The following ANKMY2 variants were observed in gnomAD, a reference collection of about 807,000 sequenced individuals.
The protein encoded by ANKMY2 is ankyrin repeat and MYND domain containing 2.
ANKMY2 carries 36 observed loss-of-function variants against 50.4 expected under a neutral mutation model. The observed-to-expected ratio is 0.71, with a 90% CI of 0.55 to 0.94. ANKMY2 has a LOEUF of 0.94. Ranked by LOEUF, ANKMY2 falls within the 40% of genes least tolerant of loss-of-function variation. ANKMY2 has a pLI of 0.00. For missense variants in ANKMY2, 565 were observed against 524.0 expected (o/e 1.08, Z -0.76); for synonymous variants, 187 against 178.8 (o/e 1.05, Z -0.36).
intron 1 of ANKMY2, among the ~76,000 whole-genome samples, chr7:16,644,392 G>A (rs577169369): frequency 6.6e-6 from 1 of 152,318 alleles, no homozygotes; most frequent in South Asian, 2.1e-4. Context: ...ATCAGCACCT[G>A]TTGAGTTCAA....
intron 1 of ANKMY2, 32 bp from the exon 2 acceptor site, chr7:16,636,487 T>C: frequency 5.3e-6 from 8 of 1,505,254 alleles, no homozygotes; most frequent in Non-Finnish European, 7.2e-6. Context: ...AAAGTAAGGT[T>C]ATTCGTCACT....
intron 2 of ANKMY2, among the ~76,000 whole-genome samples, chr7:16,634,292 A>G (rs988221947): frequency 3.3e-5 from 5 of 152,238 alleles, no homozygotes; most frequent in African/African-American, 7.2e-5. Context: ...AATTTGCAAG[A>G]CACTGTCGGT....
At chr7:16,635,046 C>T (rs1230920520) in intron 2 of ANKMY2, among the ~76,000 whole-genome samples, 1 of 151,994 alleles carries the variant, frequency 6.6e-6, no homozygotes, top group Non-Finnish European at 1.5e-5. Flanking sequence ...ATGTCCATAC[C>T]AACATTTGTA....
intron 5 of ANKMY2, among the ~76,000 whole-genome samples, chr7:16,613,233 C>A (rs966562259): frequency 2.0e-5 from 3 of 152,164 alleles, no homozygotes; most frequent in African/African-American, 7.2e-5. Flanking sequence ...AATCTAGACA[C>A]AAATACAGCT....
intron 7 of ANKMY2, among the ~76,000 whole-genome samples, chr7:16,605,330 G>A (rs1781136476): frequency 6.6e-6 from 1 of 152,138 alleles, no homozygotes; most frequent in Admixed American, 6.6e-5. Context: ...TTTACTTGAT[G>A]TTGGCTTGTA....
intron 7 of ANKMY2, among the ~76,000 whole-genome samples, chr7:16,605,327 G>T (rs1307206007): frequency 1.3e-5 from 2 of 152,092 alleles, no homozygotes; most frequent in African/African-American, 4.8e-5. Context: ...TCATTTACTT[G>T]ATGTTGGCTT....
chr7:16,602,263 T>C, intron 9 of ANKMY2, 117 bp downstream of exon 9: 2 of 1,211,024 alleles, frequency 1.7e-6, no homozygotes, highest in Non-Finnish European at 2.3e-6. Context: ...GATTCTTACA[T>C]CGGTCACTCC....
intron 2 of ANKMY2, among the ~76,000 whole-genome samples, chr7:16,627,508 A>AC (rs1430225884): frequency 6.6e-6 from 1 of 152,236 alleles, no homozygotes; most frequent in Non-Finnish European, 1.5e-5. Flanking sequence ...GAACAAACAG[A>AC]TACAAACATA....
intron 1 of ANKMY2, among the ~76,000 whole-genome samples, chr7:16,637,772 G>A (rs1781687583): frequency 6.6e-6 from 1 of 152,200 alleles, no homozygotes; most frequent in African/African-American, 2.4e-5. Flanking sequence ...TTCTCTTGAG[G>A]AAGATGCTTC....
rs191554135 is a variant in ANKMY2 at position 16,617,513 on chromosome 7, C to T, written c.371-1609G>A. 1.2e-4 allele frequency among the ~76,000 whole-genome samples: 18 copies of T among 152,230 alleles called. No homozygotes were observed. The East Asian group carries it at 3.1e-3, about 26-fold the overall frequency. On this transcript the variant is annotated intron_variant, in intron 4 of 9. Transcript: ENST00000306999. ...AGTGTGTGGGTAACATTTACCATAACAATAACTACCACAACTACAGCTAAT... is the reference window on the plus strand; with the variant it reads ...AGTGTGTGGGTAACATTTACCATAATAATAACTACCACAACTACAGCTAAT...
chr7:16,633,617 A>T (rs1468213982), intron 2 of ANKMY2, among the ~76,000 whole-genome samples: 1 of 152,278 alleles, frequency 6.6e-6, no homozygotes, highest in Non-Finnish European at 1.5e-5. Context: ...TTTCGAATGT[A>T]TTATACTACA....
intron 8 of ANKMY2, among the ~76,000 whole-genome samples, chr7:16,603,938 AGT>A (rs1781113805): frequency 6.6e-6 from 1 of 152,230 alleles, no homozygotes; most frequent in African/African-American, 2.4e-5. Flanking sequence ...ACTGAGTTTG[AGT>A]GTGTTTTTAT....
intron 4 of ANKMY2, among the ~76,000 whole-genome samples, chr7:16,617,557 T>G (rs1253340044): frequency 6.6e-6 from 1 of 152,184 alleles, no homozygotes; most frequent in Non-Finnish European, 1.5e-5. Context: ...TTAAGCAGAT[T>G]CAATTATAAT....
intron 4 of ANKMY2, among the ~76,000 whole-genome samples, chr7:16,617,652 T>C (rs558086687): frequency 5.3e-5 from 8 of 152,248 alleles, no homozygotes; most frequent in South Asian, 2.1e-4. Context: ...CTGGTTACTA[T>C]TGAGAACTAA....
intron 1 of ANKMY2, among the ~76,000 whole-genome samples, chr7:16,642,473 A>G (rs1781759170): frequency 6.6e-6 from 1 of 152,188 alleles, no homozygotes; most frequent in East Asian, 1.9e-4. Flanking sequence ...AAAAAGCCCC[A>G]CTTAGAGTCT....
intron 5 of ANKMY2, among the ~76,000 whole-genome samples, chr7:16,614,232 G>A (rs1781304880): frequency 1.3e-5 from 2 of 152,308 alleles, no homozygotes; most frequent in Middle Eastern, 3.4e-3. Context: ...TATGCTGGGA[G>A]GGAGAGAAAC....
At chr7:16,614,485 C>T (rs541725454) in intron 5 of ANKMY2, among the ~76,000 whole-genome samples, 1 of 152,102 alleles carries the variant, frequency 6.6e-6, no homozygotes, top group Non-Finnish European at 1.5e-5. Flanking sequence ...TCTTAAGGGC[C>T]TAGAAAATTA....
chr7:16,626,330 G>A lies in ANKMY2; in HGVS notation c.271+710C>T, dbSNP rs114447666. Among the ~76,000 whole-genome samples, 888 of 152,070 alleles carry A rather than the reference G, an allele frequency of 5.8e-3. 10 individuals are homozygous for A. The highest frequency in any genetic ancestry group is 0.021 in the African/African-American group (856 of 41,484). On this transcript the variant is annotated intron_variant, in intron 3 of 9. Coordinates refer to ENST00000306999, the MANE Select transcript of ANKMY2 (RefSeq NM_020319.3). ...ATAATCTTTTAAGACATATAATACA[G>A]ATTTTTAGTTTTTCATTTGTATTTT...
intron 1 of ANKMY2, 100 bp from the exon 2 acceptor site, chr7:16,636,555 G>A (rs1583685154): frequency 1.2e-6 from 1 of 832,160 alleles, no homozygotes; most frequent in East Asian, 2.8e-5. Flanking sequence ...ATCTGTAAGA[G>A]TACATCTAGT....
Sources: allele counts gnomAD v4.1 joint callset (sites outside exome capture counted in the v4.1 genomes callset), GRCh38; gene constraint gnomAD v4.1.1; transcripts MANE v1.5; gene names NCBI Gene and HGNC (gene_info 2026-07-23, HGNC 2026-07-21).